FGF14: variants seen among roughly 807,000 people sequenced by gnomAD.
The protein encoded by FGF14 is fibroblast growth factor homologous factor 4.
FGF14 carries 5 observed loss-of-function variants against 25.5 expected under a neutral mutation model. The observed-to-expected ratio is 0.20, with a 90% CI of 0.10 to 0.41. The LOEUF is 0.41. FGF14 is among the 10% of genes least tolerant of loss of function. The probability of loss-of-function intolerance (pLI) is 1.00; values close to 1 mark genes in which losing one functional copy is unlikely to be tolerated. For missense variants in FGF14, 222 were observed against 320.1 expected, an observed-to-expected ratio of 0.69 and a Z score of 2.34; for synonymous variants, 138 against 118.3, an observed-to-expected ratio of 1.17 and a Z score of -1.08.
intron 1 of FGF14, among the ~76,000 whole-genome samples, chr13:101,887,918 C>A (rs2046078540): frequency 6.6e-6 from 1 of 152,132 alleles, no homozygotes; most frequent in Non-Finnish European, 1.5e-5. Flanking sequence ...AAATTGTTAA[C>A]ATCTGGTCAT....
intron 1 of FGF14, among the ~76,000 whole-genome samples, chr13:102,380,276 CA>C (rs1744141852): frequency 6.6e-6 from 1 of 151,940 alleles, no homozygotes; most frequent in African/African-American, 2.4e-5. Context: ...TGTCATGGAA[CA>C]GGCATATAGT....
intron 3 of FGF14, among the ~76,000 whole-genome samples, chr13:101,729,985 CTG>C (rs1477877723): frequency 6.6e-6 from 1 of 152,070 alleles, no homozygotes; most frequent in Non-Finnish European, 1.5e-5. Flanking sequence ...ATTTGGAGAA[CTG>C]TAAATAGTTC....
At chr13:102,260,936 A>G (rs927354608) in intron 1 of FGF14, among the ~76,000 whole-genome samples, 1 of 152,076 alleles carries the variant, frequency 6.6e-6, no homozygotes, top group African/African-American at 2.4e-5. Flanking sequence ...AGGTACTCCC[A>G]TTGTGCCCGC....
chr13:102,231,672 A>T (rs1337811283), intron 1 of FGF14, among the ~76,000 whole-genome samples: 1 of 152,188 alleles, frequency 6.6e-6, no homozygotes, highest in Non-Finnish European at 1.5e-5. Flanking sequence ...CTCGTTACTC[A>T]TGAGAACCTG....
chr13:102,057,859 C>T (rs776471314), intron 1 of FGF14, among the ~76,000 whole-genome samples: 9 of 152,182 alleles, frequency 5.9e-5, no homozygotes, highest in Non-Finnish European at 1.2e-4. Flanking sequence ...TGGGTTAATT[C>T]TTGAAGTGTC....
rs2034445892 is a variant in FGF14 at position 101,711,128 on chromosome 13, G to A, written c.*11703C>T. The A allele has an allele frequency of 6.6e-6, 1 of 152,218 alleles. No individual in the cohort carries two copies. Among genetic ancestry groups the A allele is most frequent in the African/African-American group, 2.4e-5 (1 of 41,446 alleles). 9.4% of individuals were successfully genotyped at this position (152,218 alleles called of 1,614,324 possible). A position where few individuals can be genotyped will look rare whatever the true frequency, so the allele number is the denominator to read the frequency against. On this transcript the variant is annotated 3_prime_UTR_variant, in exon 5 of 5. Transcript: ENST00000376143. ...CCCTAAGCTTAGCTACCTTTGCAAA[G>A]TACATGATATAATTCATTGTGGGTT...
chr13:101,768,043 G>A lies in FGF14; in HGVS notation c.409-41233C>T, dbSNP rs540258311. Reference sequence around the variant, plus strand: ...GAGTAGGCATTATTGTTTCTAAAACGAACATAAAAGCAAAACATAAAAATC... The same window carrying A: ...GAGTAGGCATTATTGTTTCTAAAACAAACATAAAAGCAAAACATAAAAATC... On this transcript the variant is annotated intron_variant, in intron 3 of 4. Transcript: ENST00000376143. Among the ~76,000 whole-genome samples the A allele has an allele frequency of 2.6e-5, 4 of 151,966 alleles. No homozygotes were observed. In the East Asian group the frequency reaches 5.8e-4, roughly 22 times the overall value.
chr13:102,237,416 G>A (rs2051377839), intron 1 of FGF14, among the ~76,000 whole-genome samples: 1 of 152,146 alleles, frequency 6.6e-6, no homozygotes, highest in Admixed American at 6.5e-5. Context: ...TAAATCCCTG[G>A]GAATAGAGGC....
intron 1 of FGF14, among the ~76,000 whole-genome samples, chr13:101,939,346 T>G (rs571343921): frequency 3.7e-4 from 56 of 152,282 alleles, no homozygotes; most frequent in African/African-American, 1.3e-3. Context: ...TTACACAAAC[T>G]CGTTTTAATG....
chr13:101,782,207 C>T (rs189896198), intron 3 of FGF14, among the ~76,000 whole-genome samples: 198 of 152,084 alleles, frequency 1.3e-3, no homozygotes, highest in African/African-American at 4.6e-3. Flanking sequence ...AGACACTAAG[C>T]GTTAGCCATA....
At chr13:102,177,715 T>C (rs1247816244) in intron 1 of FGF14, among the ~76,000 whole-genome samples, 1 of 151,482 alleles carries the variant, frequency 6.6e-6, no homozygotes, top group East Asian at 1.9e-4. Context: ...CCTGTATTCA[T>C]CCAAAGGGAA....
intron 3 of FGF14, among the ~76,000 whole-genome samples, chr13:101,803,439 G>A (rs2041016097): frequency 6.6e-6 from 1 of 152,128 alleles, no homozygotes; most frequent in African/African-American, 2.4e-5. Flanking sequence ...TGAAACTTTG[G>A]TCTTAAACAA....
chr13:102,295,052 T>C (rs1229056983), intron 1 of FGF14, among the ~76,000 whole-genome samples: 2 of 152,192 alleles, frequency 1.3e-5, no homozygotes, highest in African/African-American at 2.4e-5. Context: ...TTACTTTACT[T>C]TAAGTAGTTG....
chr13:102,182,217 G>A (rs746110276), intron 1 of FGF14, among the ~76,000 whole-genome samples: 5 of 152,044 alleles, frequency 3.3e-5, no homozygotes, highest in African/African-American at 7.2e-5. Flanking sequence ...CTACATTCCC[G>A]GCCTTGAATA....
chr13:102,047,442 A>C (rs1200279461), intron 1 of FGF14, among the ~76,000 whole-genome samples: 1 of 152,188 alleles, frequency 6.6e-6, no homozygotes, highest in African/African-American at 2.4e-5. Flanking sequence ...AAGGATTGAA[A>C]TGTTTTAAAG....
intron 1 of FGF14, among the ~76,000 whole-genome samples, chr13:102,277,108 A>G (rs1028447244): frequency 7.9e-5 from 12 of 152,238 alleles, no homozygotes; most frequent in Admixed American, 1.3e-4. Context: ...CCACATTACT[A>G]GAATATGGCC....
At chr13:102,077,070 ATC>A (rs1242646239) in intron 1 of FGF14, among the ~76,000 whole-genome samples, 2 of 152,214 alleles carry the variant, frequency 1.3e-5, no homozygotes, top group African/African-American at 2.4e-5. Flanking sequence ...ACAACTGGAT[ATC>A]CACATGCAGA....
intron 3 of FGF14, among the ~76,000 whole-genome samples, chr13:101,735,010 T>A (rs2036078099): frequency 6.6e-6 from 1 of 152,194 alleles, no homozygotes; most frequent in African/African-American, 2.4e-5. Context: ...TGAACAAAGA[T>A]AAAGAAAGTA....
At chr13:101,968,578 C>A (rs1371445664) in intron 1 of FGF14, among the ~76,000 whole-genome samples, 1 of 146,656 alleles carries the variant, frequency 6.8e-6, no homozygotes, top group African/African-American at 2.5e-5. Flanking sequence ...GAGGCTGAGG[C>A]AGGAGAATGG....
Sources: allele counts gnomAD v4.1 joint callset (sites outside exome capture counted in the v4.1 genomes callset), GRCh38; gene constraint gnomAD v4.1.1; transcripts MANE v1.5; gene names NCBI Gene and HGNC (gene_info 2026-07-23, HGNC 2026-07-21).